Variants in SLC14A2 observed in about 807,000 individuals in gnomAD.
The protein encoded by SLC14A2 is urea transporter 2.
In SLC14A2, 91 loss-of-function variants were observed where a neutral mutation model predicts 104.6. The observed-to-expected ratio is 0.87, with a 90% CI of 0.73 to 1.04. The LOEUF (loss-of-function observed/expected upper bound fraction) is 1.04, where lower values mean the gene tolerates loss of function less well. SLC14A2 is among the 50% of genes least tolerant of loss of function. The probability of loss-of-function intolerance (pLI) is 0.00; values close to 1 mark genes in which losing one functional copy is unlikely to be tolerated. For missense variants in SLC14A2, 1,189 were observed against 1,156.0 expected, an observed-to-expected ratio of 1.03 and a Z score of -0.41; for synonymous variants, 476 against 466.4, an observed-to-expected ratio of 1.02 and a Z score of -0.27.
At chr18:45,585,817 G>A (rs1364889631) in intron 2 of SLC14A2, among the ~76,000 whole-genome samples, 1 of 152,180 alleles carries the variant, frequency 6.6e-6, no homozygotes, top group Non-Finnish European at 1.5e-5. Flanking sequence ...ATGCTCTGAT[G>A]GCCTGTTCTG....
At chr18:45,629,644 C>T (rs911266362) in intron 4 of SLC14A2, among the ~76,000 whole-genome samples, 15 of 152,126 alleles carry the variant, frequency 9.9e-5, no homozygotes, top group Admixed American at 2.6e-4. Context: ...ACCCTCCCTG[C>T]GCTGACACTC....
chr18:45,433,992 C>T (rs956205826), intron 1 of SLC14A2, among the ~76,000 whole-genome samples: 1 of 152,142 alleles, frequency 6.6e-6, no homozygotes, highest in African/African-American at 2.4e-5. Context: ...CCTGTGTCTT[C>T]CCTCAATGGC....
Position 45,562,391 on chromosome 18 carries a change from G to A in SLC14A2, c.-34-62240G>A, listed in dbSNP as rs143858230. On this transcript the variant is annotated intron_variant, in intron 2 of 20. Transcript: ENST00000586448. ...TCTTATCAGGAAAGCTTTCCTAAAG[G>A]AACTTGATCTTGATAGGGGTCTTGA... 2.8e-3 allele frequency among the ~76,000 whole-genome samples: 426 copies of A among 152,314 alleles called. 4 individuals are homozygous for A. The highest frequency in any genetic ancestry group is 9.4e-3 in the African/African-American group (391 of 41,568).
rs565804998 is a variant in SLC14A2, at chr18:45,246,520, C to T, written c.-125+33329C>T. Among the ~76,000 whole-genome samples the T allele has an allele frequency of 1.9e-4, 29 of 152,240 alleles. 1 individual carries two copies. The South Asian group carries it at 3.9e-3, about 21-fold the overall frequency. ...TTTAAACTGTCTTTTCATAGGCTTACCTCATTTCAAACCTCTCACTAACAT... is the reference window on the plus strand; with the variant it reads ...TTTAAACTGTCTTTTCATAGGCTTATCTCATTTCAAACCTCTCACTAACAT... On this transcript the variant is annotated intron_variant, in intron 1 of 20. Coordinates refer to the SLC14A2 transcript ENST00000586448.
intron 2 of SLC14A2, among the ~76,000 whole-genome samples, chr18:45,598,459 G>A (rs746376945): frequency 2.0e-5 from 3 of 152,062 alleles, no homozygotes; most frequent in South Asian, 4.2e-4. Context: ...TATGACTGGC[G>A]AGGGTCCTAG....
intron 1 of SLC14A2, among the ~76,000 whole-genome samples, chr18:45,399,745 A>G (rs1384706459): frequency 6.6e-6 from 1 of 152,142 alleles, no homozygotes; most frequent in Non-Finnish European, 1.5e-5. Flanking sequence ...TGCCAACCAC[A>G]CAGGAAGACA....
intron 6 of SLC14A2, among the ~76,000 whole-genome samples, chr18:45,639,481 C>T (rs1159603937): frequency 6.6e-6 from 1 of 152,118 alleles, no homozygotes; most frequent in Non-Finnish European, 1.5e-5. Flanking sequence ...AAGCAGAAGC[C>T]GTATGTTCCT....
At chr18:45,364,051 T>G (rs1939116783) in intron 1 of SLC14A2, among the ~76,000 whole-genome samples, 1 of 152,174 alleles carries the variant, frequency 6.6e-6, no homozygotes, top group African/African-American at 2.4e-5. Context: ...CAAATGCCAG[T>G]GCCTCCTTAA....
rs561571394 is a variant in SLC14A2, at chr18:45,618,874, C to T, written c.-35+3292C>T. ...TACATCCCAGGGCAGCAGGAGCATACGAAATAGGCACAGCCCCTCTTCACT... is the reference window on the plus strand; with the variant it reads ...TACATCCCAGGGCAGCAGGAGCATATGAAATAGGCACAGCCCCTCTTCACT... On this transcript the variant is annotated intron_variant, in intron 1 of 19. Coordinates refer to ENST00000255226, the MANE Select transcript of SLC14A2 (RefSeq NM_007163.4). Among the ~76,000 whole-genome samples, 22 of 152,064 alleles carry T rather than the reference C, an allele frequency of 1.4e-4. 2 individuals are homozygous for T. The South Asian group carries it at 4.6e-3, about 32-fold the overall frequency.
chr18:45,187,805 TTC>T, the SLC14A2 span, among the ~76,000 whole-genome samples: 1 of 152,162 alleles, frequency 6.6e-6, no homozygotes, highest in East Asian at 1.9e-4. Context: ...AATAAGAGAA[TTC>T]TGTTTTGGGA....
Position 45,567,055 on chromosome 18 carries a change from A to AGTGTGTGTGT in SLC14A2, c.-34-57541_-34-57532dup, listed in dbSNP as rs3058364. Among the ~76,000 whole-genome samples, 1,233 of 139,858 alleles carry AGTGTGTGTGT rather than the reference A, an allele frequency of 8.8e-3. 19 individuals are homozygous for AGTGTGTGTGT. Among genetic ancestry groups the AGTGTGTGTGT allele is most frequent in the East Asian group, 0.034 (154 of 4,468 alleles). 91.8% of individuals were successfully genotyped at this position (139,858 alleles called of 152,430 possible). A position where few individuals can be genotyped will look rare whatever the true frequency, so the allele number is the denominator to read the frequency against. On this transcript the variant is annotated intron_variant, in intron 2 of 20. Coordinates refer to the SLC14A2 transcript ENST00000586448. ...TCTATAGCTGAGGACATGTGCACATAGTGTGTGTGTGTGTGTGTGTGTGTG... is the reference window on the plus strand; with the variant it reads ...TCTATAGCTGAGGACATGTGCACATAGTGTGTGTGTGTGTGTGTGTGTGTGTGTGTGTGTG...
At chr18:45,580,156 T>C (rs1003563291) in intron 2 of SLC14A2, among the ~76,000 whole-genome samples, 1 of 151,862 alleles carries the variant, frequency 6.6e-6, no homozygotes, top group Admixed American at 6.6e-5. Flanking sequence ...GCAGGCAAGG[T>C]TTTGATTGTG....
At chr18:45,401,123 C>T (rs117502503) in intron 1 of SLC14A2, among the ~76,000 whole-genome samples, 1 of 152,228 alleles carries the variant, frequency 6.6e-6, no homozygotes, top group East Asian at 1.9e-4. Context: ...TGAGCTCACT[C>T]CTCATTTCTG....
intron 1 of SLC14A2, among the ~76,000 whole-genome samples, chr18:45,472,503 A>G (rs1026203841): frequency 6.6e-6 from 1 of 152,210 alleles, no homozygotes; most frequent in Non-Finnish European, 1.5e-5. Context: ...ACAGTGTAAA[A>G]GCATTCCTAT....
chr18:45,598,664 G>A (rs533245114), intron 2 of SLC14A2, among the ~76,000 whole-genome samples: 1 of 152,250 alleles, frequency 6.6e-6, no homozygotes. Context: ...CAGTGGATAA[G>A]TTGGCTTTCT....
intron 1 of SLC14A2, among the ~76,000 whole-genome samples, chr18:45,285,802 G>C (rs12956384): frequency 4.9e-5 from 7 of 142,358 alleles, no homozygotes; most frequent in Admixed American, 4.0e-4. Flanking sequence ...GGCGAGGCCT[G>C]TGTGGTCTCC....
At chr18:45,672,267 C>T (rs368575600) in intron 16 of SLC14A2, among the ~76,000 whole-genome samples, 3 of 152,116 alleles carry the variant, frequency 2.0e-5, no homozygotes, top group African/African-American at 7.2e-5. Flanking sequence ...TGGTGGCTCA[C>T]GCCTGTAATC....
At chr18:45,418,377 G>T (rs1285283670) in intron 1 of SLC14A2, among the ~76,000 whole-genome samples, 1 of 152,176 alleles carries the variant, frequency 6.6e-6, no homozygotes, top group Non-Finnish European at 1.5e-5. Flanking sequence ...TCATAAGAGG[G>T]CGTCTGTTGC....
intron 1 of SLC14A2, among the ~76,000 whole-genome samples, chr18:45,259,601 A>G (rs1326946614): frequency 6.6e-6 from 1 of 152,198 alleles, no homozygotes; most frequent in Non-Finnish European, 1.5e-5. Flanking sequence ...TGATTCATAA[A>G]TTGAATGAAG....
Sources: allele counts gnomAD v4.1 joint callset (sites outside exome capture counted in the v4.1 genomes callset), GRCh38; gene constraint gnomAD v4.1.1; transcripts MANE v1.5; gene names NCBI Gene and HGNC (gene_info 2026-07-23, HGNC 2026-07-21).